Variants in PML observed in about 807,000 individuals in gnomAD.
PML encodes protein PML.
Under a neutral mutation model 65.2 loss-of-function variants are expected in PML, and 28 were observed. The observed-to-expected ratio is 0.43, with a 90% CI of 0.32 to 0.59. The LOEUF (loss-of-function observed/expected upper bound fraction) is 0.59, where lower values mean the gene tolerates loss of function less well. PML is among the 20% of genes least tolerant of loss of function. The pLI is 0.08. For missense variants in PML, 1,021 were observed against 1,203.4 expected (o/e 0.85, Z 2.24); for synonymous variants, 500 against 508.8 (o/e 0.98, Z 0.23).
At chr15:74,038,561 C>T (rs2071624916) in intron 7 of PML, among the ~76,000 whole-genome samples, 1 of 152,048 alleles carries the variant, frequency 6.6e-6, no homozygotes, top group Non-Finnish European at 1.5e-5. Flanking sequence ...AATTAGGTCC[C>T]CCCTATGCAT....
At chr15:74,028,683 G>A in intron 4 of PML, among the ~76,000 whole-genome samples, 1 of 152,116 alleles carries the variant, frequency 6.6e-6, no homozygotes, top group Non-Finnish European at 1.5e-5. Flanking sequence ...CAGCCCTGGT[G>A]ACCCTTGTCT....
chr15:74,035,511 C>T lies in PML; in HGVS notation c.1710+981C>T, dbSNP rs920131087. ...CCCTCAATTGCATCGGGCCCCTATTCGGACTTGGTCTCCCCATGTGGTCCA... is the reference window on the plus strand; with the variant it reads ...CCCTCAATTGCATCGGGCCCCTATTTGGACTTGGTCTCCCCATGTGGTCCA... On this transcript the variant is annotated intron_variant, in intron 7 of 8. Coordinates refer to ENST00000268058, the MANE Select transcript of PML (RefSeq NM_033238.3). The surrounding 1 kb of genome is among the most constrained non-coding windows in gnomAD (Gnocchi z 4.1). 4 of 1,611,546 alleles carry T rather than the reference C, an allele frequency of 2.5e-6. No individual in the cohort carries two copies. The highest frequency in any genetic ancestry group is 2.2e-5 in the South Asian group (2 of 91,070).
rs181066883 is a variant in PML at position 74,014,499 on chromosome 15, A to G, written c.603-8329A>G. Among the ~76,000 whole-genome samples the G allele has an allele frequency of 3.3e-3, 494 of 151,980 alleles. 5 individuals are homozygous for G. Among genetic ancestry groups the G allele is most frequent in the African/African-American group, 0.011 (471 of 41,464 alleles). Reference sequence around the variant, plus strand: ...AGGTGCCCGCCACCACACTCAGCTAATTTTTGTATTTTTATTAGAGACGGG... The same window carrying G: ...AGGTGCCCGCCACCACACTCAGCTAGTTTTTGTATTTTTATTAGAGACGGG... On this transcript the variant is annotated intron_variant, in intron 2 of 8. Transcript: ENST00000268058.
At chr15:74,027,633 T>TGGA (rs2071139634) in intron 4 of PML, 1 of 152,362 alleles carries the variant, frequency 6.6e-6, no homozygotes, top group East Asian at 1.9e-4. Flanking sequence ...TTCCAGATGC[T>TGGA]AGTCATTGGT....
intron 7 of PML, chr15:74,036,473 T>C: frequency 8.1e-7 from 1 of 1,232,580 alleles, no homozygotes. Context: ...CTCTCTTCCC[T>C]ATGCTGGAAC....
At chr15:74,014,961 G>A (rs945682927) in intron 2 of PML, among the ~76,000 whole-genome samples, 2 of 152,146 alleles carry the variant, frequency 1.3e-5, no homozygotes, top group Non-Finnish European at 2.9e-5. Context: ...CCAGCCATAT[G>A]CCTTGGGAGC....
chr15:74,020,432 G>A (rs1434425303), intron 2 of PML, among the ~76,000 whole-genome samples: 1 of 151,676 alleles, frequency 6.6e-6, no homozygotes, highest in Non-Finnish European at 1.5e-5. Context: ...TGGGATTACA[G>A]GCGCACACCA....
chr15:74,009,832 C>T (rs1316924715), intron 2 of PML, among the ~76,000 whole-genome samples: 1 of 152,108 alleles, frequency 6.6e-6, no homozygotes, highest in African/African-American at 2.4e-5. Flanking sequence ...TGATTACAGG[C>T]TTGAGCCACC....
At chr15:74,030,597 C>T (rs2071276035) in intron 4 of PML, among the ~76,000 whole-genome samples, 2 of 152,080 alleles carry the variant, frequency 1.3e-5, no homozygotes, top group African/African-American at 2.4e-5. Context: ...TGCAGTGAGC[C>T]GAGATAGTGC....
At position 73,998,319 on chromosome 15, in the gene PML, G is replaced by A. The variant is rs2069600602; in HGVS notation, c.445G>A (p.Ala149Thr). ...WCFECEQLLC[A>T]KCFEAHQWFL... is the part of the protein sequence containing the mutation. ...CTTTGAGTGCGAGCAGCTCCTCTGCGCCAAGTGCTTCGAGGCACACCAGTG... is the reference window on the plus strand; with the variant it reads ...CTTTGAGTGCGAGCAGCTCCTCTGCACCAAGTGCTTCGAGGCACACCAGTG... Residue 149 changes from alanine to threonine, a missense_variant, in exon 2 of 9, where the codon GCC becomes ACC. Ala to Thr is a moderately conservative substitution (Grantham distance 58). Coordinates refer to ENST00000268058, the MANE Select transcript of PML (RefSeq NM_033238.3). 1.2e-6 allele frequency: 2 copies of A among 1,614,160 alleles called. No homozygotes were observed. The highest frequency in any genetic ancestry group is 2.2e-5 in the East Asian group (1 of 44,880).
At chr15:74,015,741 G>A (rs112349344) in intron 2 of PML, among the ~76,000 whole-genome samples, 5 of 152,322 alleles carry the variant, frequency 3.3e-5, no homozygotes, top group African/African-American at 1.2e-4. Flanking sequence ...ATAGCACTGT[G>A]CTGAGTCCTT....
chr15:74,002,126 G>A (rs1281145031), intron 2 of PML, among the ~76,000 whole-genome samples: 1 of 152,078 alleles, frequency 6.6e-6, no homozygotes, highest in Non-Finnish European at 1.5e-5. Flanking sequence ...ATGTGATGGT[G>A]CGATTTCATA....
rs531792732 is a variant in PML, at chr15:74,037,982, C to A, written c.1710+3452C>A. Among the ~76,000 whole-genome samples the A allele has an allele frequency of 2.0e-5, 3 of 152,198 alleles. No homozygotes were observed. Among genetic ancestry groups the A allele is most frequent in the African/African-American group, 7.2e-5 (3 of 41,442 alleles). On this transcript the variant is annotated intron_variant, in intron 7 of 8. Transcript: ENST00000268058. This position sits in a 1 kb window ranked among gnomAD's most constrained non-coding sequence, Gnocchi z 4.2. ...TACCTCAAACTCAGCACCTTCTCCTCCCGTCTCACTGGCTCGCCCCACTCT... is the reference window on the plus strand; with the variant it reads ...TACCTCAAACTCAGCACCTTCTCCTACCGTCTCACTGGCTCGCCCCACTCT...
chr15:74,016,836 G>A lies in PML; in HGVS notation c.603-5992G>A, dbSNP rs371838639. ...TTTTGAGATGGAGTCTCGCTCTGTC[G>A]CCCAGGCTGGAGTGCAGTGGTGCGA... On this transcript the variant is annotated intron_variant, in intron 2 of 8. Transcript: ENST00000268058. Among the ~76,000 whole-genome samples the A allele has an allele frequency of 1.8e-3, 193 of 108,738 alleles. 1 individual carries two copies. The highest frequency in any genetic ancestry group is 6.2e-3 in the African/African-American group (173 of 27,826). 71.3% of individuals were successfully genotyped at this position (108,738 alleles called of 152,430 possible).
chr15:74,042,470 C>T lies in PML; in HGVS notation c.1711-519C>T, dbSNP rs185177821. 845 of 985,420 alleles carry T rather than the reference C, an allele frequency of 8.6e-4. No individual in the cohort carries two copies. The highest frequency in any genetic ancestry group is 9.8e-4 in the Non-Finnish European group (813 of 829,922). The allele number at this position is 985,420 out of a possible 1,614,324, so 61.0% of individuals were successfully genotyped here. A position where few individuals can be genotyped will look rare whatever the true frequency, so the allele number is the denominator to read the frequency against. ...GGTTCAAGATGAGGCTTCTTTCTCC[C>T]GTCCCAAGTTTTGGTGTTTCTTCTG... On this transcript the variant is annotated intron_variant, in intron 7 of 8. Coordinates refer to ENST00000268058, the MANE Select transcript of PML (RefSeq NM_033238.3). The surrounding 1 kb of genome is among the most constrained non-coding windows in gnomAD (Gnocchi z 5.3).
At chr15:74,003,325 G>C (rs1449316226) in intron 2 of PML, among the ~76,000 whole-genome samples, 1 of 152,116 alleles carries the variant, frequency 6.6e-6, no homozygotes, top group Admixed American at 6.5e-5. Flanking sequence ...CCAGCTACTC[G>C]GGAGGCTGAG....
At position 74,011,974 on chromosome 15, in the gene PML, T is replaced by A. The variant is rs1230627643; in HGVS notation, c.603-10854T>A. Among the ~76,000 whole-genome samples, 5 of 152,346 alleles carry A rather than the reference T, an allele frequency of 3.3e-5. No individual in the cohort carries two copies. The East Asian group carries it at 9.6e-4, about 29-fold the overall frequency. On this transcript the variant is annotated intron_variant, in intron 2 of 8. Coordinates refer to ENST00000268058, the MANE Select transcript of PML (RefSeq NM_033238.3). ...GTTGCAAAAAGAATTCTAAAAGTTGTTTCTTAAGAATTTAGAGTGTATCTT... is the reference window on the plus strand; with the variant it reads ...GTTGCAAAAAGAATTCTAAAAGTTGATTCTTAAGAATTTAGAGTGTATCTT...
At chr15:74,013,284 A>G (rs1277824305) in intron 2 of PML, among the ~76,000 whole-genome samples, 1 of 152,076 alleles carries the variant, frequency 6.6e-6, no homozygotes, top group Non-Finnish European at 1.5e-5. Context: ...TATTAACTTT[A>G]GGTGTGTTCA....
rs373088243 is a variant in PML, at chr15:74,035,260, T to A, written c.1710+730T>A. ...TCCTCGCCAGCCCACTCCTCGCCAG[T>A]CCAGTCTCTGCTGAGAGCACAAGGA... On this transcript the variant is annotated intron_variant, in intron 7 of 8. Coordinates refer to ENST00000268058, the MANE Select transcript of PML (RefSeq NM_033238.3). The surrounding 1 kb of genome is among the most constrained non-coding windows in gnomAD (Gnocchi z 4.1). 6.2e-7 allele frequency: 1 copy of A among 1,612,176 alleles called. No individual in the cohort carries two copies. Among genetic ancestry groups the A allele is most frequent in the Non-Finnish European group, 8.5e-7 (1 of 1,179,296 alleles).
Sources: gnomAD v4.1 joint callset for allele counts (sites outside exome capture counted in the v4.1 genomes callset) on GRCh38, gnomAD v4.1.1 for gene constraint, Gnocchi (gnomAD v3.1) non-coding constraint, MANE v1.5 for transcripts, NCBI Gene and HGNC (gene_info 2026-07-23, HGNC 2026-07-21) for gene names.